RELN: variants seen among roughly 807,000 people sequenced by gnomAD.
RELN encodes reelin.
Under a neutral mutation model 427.6 loss-of-function variants are expected in RELN, and 108 were observed. The ratio of observed to expected loss-of-function variants is 0.25; its 90% CI spans 0.22 to 0.30. The LOEUF is 0.30. Ranked by LOEUF, RELN falls within the 10% of genes least tolerant of loss-of-function variation. The pLI is 1.00. For synonymous variants in RELN, 1,524 were observed against 1,513.4 expected, an observed-to-expected ratio of 1.01 and a Z score of -0.16; for missense variants, 3,715 against 4,302.8, an observed-to-expected ratio of 0.86 and a Z score of 3.82.
intron 17 of RELN, among the ~76,000 whole-genome samples, chr7:103,636,799 C>T (rs887820808): frequency 6.6e-6 from 1 of 152,132 alleles, no homozygotes; most frequent in Non-Finnish European, 1.5e-5. Flanking sequence ...ATTCATAACA[C>T]TCATTAAATT....
At chr7:103,507,266 G>C (rs1333968237) in intron 51 of RELN, among the ~76,000 whole-genome samples, 1 of 152,098 alleles carries the variant, frequency 6.6e-6, no homozygotes, top group African/African-American at 2.4e-5. Flanking sequence ...TTCCAAAATT[G>C]ACCATATAAT....
intron 56 of RELN, 51 bp from the exon 57 acceptor site, chr7:103,495,949 T>C: frequency 1.3e-6 from 2 of 1,585,284 alleles, no homozygotes; most frequent in Non-Finnish European, 1.7e-6. Context: ...TTGAGGAAAA[T>C]TGGAAGCAAT....
rs1453008162 is a variant in RELN at position 103,565,686 on chromosome 7, T to C, written c.4937-135A>G. On this transcript the variant is annotated intron_variant, in intron 33 of 64. Transcript: ENST00000428762. ...TTAGTGCCCCCTATGTGCTTTGACT[T>C]TTCTTCTTATATTTTCTGCTTCTAT... The C allele has an allele frequency of 1.3e-5, 10 of 786,888 alleles. No homozygotes were observed. The South Asian group carries it at 1.7e-4, about 14-fold the overall frequency. The allele number at this position is 786,888 out of a possible 1,614,324, so 48.7% of individuals were successfully genotyped here.
rs893040874 is a variant in RELN at position 103,569,944 on chromosome 7, T to C, written c.4588+2240A>G. On this transcript the variant is annotated intron_variant, in intron 31 of 64. Transcript: ENST00000428762. The surrounding 1 kb of genome is among the most constrained non-coding windows in gnomAD (Gnocchi z 4.0). ...CTTACTGAAAATAGCATAATTTTGA[T>C]TTTAATTCCAAATATGTAAATTGAT... 2.0e-5 allele frequency among the ~76,000 whole-genome samples: 3 copies of C among 152,246 alleles called. No homozygotes were observed. The highest frequency in any genetic ancestry group is 4.4e-5 in the Non-Finnish European group (3 of 68,042).
At chr7:103,578,431 A>C (rs1831052511) in intron 28 of RELN, among the ~76,000 whole-genome samples, 1 of 152,244 alleles carries the variant, frequency 6.6e-6, no homozygotes, top group East Asian at 1.9e-4. Context: ...ACTGTATTTC[A>C]GAGTGAAAGG....
intron 2 of RELN, among the ~76,000 whole-genome samples, chr7:103,874,200 T>C (rs200916874): frequency 1.8e-4 from 22 of 121,150 alleles, no homozygotes; most frequent in African/African-American, 5.2e-4. Flanking sequence ...ATTGATGGGA[T>C]GTATTTCAAA....
chr7:103,799,678 T>C (rs899917175), intron 3 of RELN, among the ~76,000 whole-genome samples: 4 of 152,212 alleles, frequency 2.6e-5, no homozygotes, highest in African/African-American at 9.7e-5. Flanking sequence ...AATTTCTTAT[T>C]CCAGCTGCTC....
At chr7:103,760,687 T>C (rs1791277599) in intron 4 of RELN, among the ~76,000 whole-genome samples, 1 of 152,204 alleles carries the variant, frequency 6.6e-6, no homozygotes, top group African/African-American at 2.4e-5. Flanking sequence ...AAGCAATTCT[T>C]ACAAATACAG....
At chr7:103,788,139 T>C (rs890120123) in intron 3 of RELN, among the ~76,000 whole-genome samples, 1 of 152,114 alleles carries the variant, frequency 6.6e-6, no homozygotes, top group African/African-American at 2.4e-5. Context: ...AATTTAACAC[T>C]GCTTCATGCT....
At chr7:103,904,613 G>A (rs1032315024) in intron 2 of RELN, among the ~76,000 whole-genome samples, 29 of 152,160 alleles carry the variant, frequency 1.9e-4, no homozygotes, top group African/African-American at 6.8e-4. Context: ...TTTTATTAAG[G>A]AGTTAGGAAA....
At chr7:103,769,223 C>T (rs1791503985) in intron 4 of RELN, among the ~76,000 whole-genome samples, 1 of 152,068 alleles carries the variant, frequency 6.6e-6, no homozygotes. Context: ...TCAGGTGTTG[C>T]CAGAGTGACA....
chr7:103,947,259 G>A (rs899675831), intron 1 of RELN, among the ~76,000 whole-genome samples: 2 of 152,164 alleles, frequency 1.3e-5, no homozygotes, highest in African/African-American at 2.4e-5. Flanking sequence ...AAACAGTGGT[G>A]ACTGTAACAG....
chr7:103,948,409 A>G (rs1483362551), intron 1 of RELN, among the ~76,000 whole-genome samples: 1 of 152,112 alleles, frequency 6.6e-6, no homozygotes, highest in African/African-American at 2.4e-5. Flanking sequence ...GTGGTGACTC[A>G]CGCCTGTAAT....
intron 8 of RELN, among the ~76,000 whole-genome samples, chr7:103,713,643 C>T (rs191219746): frequency 5.5e-5 from 8 of 146,030 alleles, no homozygotes; most frequent in African/African-American, 1.8e-4. Context: ...GTATAATAAG[C>T]AGTTCTGGCA....
intron 27 of RELN, among the ~76,000 whole-genome samples, chr7:103,593,045 G>A (rs1168509014): frequency 6.6e-6 from 1 of 152,130 alleles, no homozygotes; most frequent in Non-Finnish European, 1.5e-5. Context: ...ATTATGTAAG[G>A]ACCATGTAGT....
chr7:103,565,387 A>G lies in RELN; in HGVS notation c.5101T>C (p.Cys1701Arg). 1 of 1,614,038 alleles carries G rather than the reference A, an allele frequency of 6.2e-7. No individual in the cohort carries two copies. Among genetic ancestry groups the G allele is most frequent in the Non-Finnish European group, 8.5e-7 (1 of 1,179,990 alleles). The change falls in exon 34 of 65, where the codon TGT becomes CGT. Residue 1701 changes from cysteine to arginine, a missense_variant. Physicochemically the swap from Cys to Arg is radical, Grantham distance 180 (BLOSUM62 -3). Coordinates refer to ENST00000428762, the MANE Select transcript of RELN (RefSeq NM_005045.4). ...GKDWHLVTEECVPPTIGCLHY... is the reference protein window; with the variant it reads ...GKDWHLVTEERVPPTIGCLHY... ...AGACAGCCAATGGTTGGAGGAACACACTCTTCGGTGACAAGATGCCAGTCC... is the reference window on the plus strand; with the variant it reads ...AGACAGCCAATGGTTGGAGGAACACGCTCTTCGGTGACAAGATGCCAGTCC...
In RELN at chr7:103,522,227, G is replaced by T; in HGVS notation, c.7491-28C>A. ...GGGTGCAGAGCAAGAGAGAGGAAAA[G>T]TCAACATCAGACAAAGCCCCTGCAA... On this transcript the variant is annotated intron_variant, in intron 47 of 64. Transcript: ENST00000428762. The T allele has an allele frequency of 1.9e-6, 3 of 1,610,846 alleles. No homozygotes were observed. In the African/African-American group the frequency reaches 4.0e-5, roughly 21 times the overall value.
chr7:103,756,759 T>C (rs1791167621), intron 4 of RELN, among the ~76,000 whole-genome samples: 1 of 87,428 alleles, frequency 1.1e-5, no homozygotes, highest in African/African-American at 5.3e-5. Context: ...GTTAGGAAGG[T>C]TTAATATATT....
At chr7:103,477,830 A>C (rs1481965524) in intron 64 of RELN, among the ~76,000 whole-genome samples, 1 of 152,238 alleles carries the variant, frequency 6.6e-6, no homozygotes, top group Non-Finnish European at 1.5e-5. Context: ...AAAAGTGGCC[A>C]ATCTTACCTA....
Sources: gnomAD v4.1 joint callset for allele counts (sites outside exome capture counted in the v4.1 genomes callset) on GRCh38, gnomAD v4.1.1 for gene constraint, Gnocchi (gnomAD v3.1) non-coding constraint, MANE v1.5 for transcripts, NCBI Gene and HGNC (gene_info 2026-07-23, HGNC 2026-07-21) for gene names.